UNC13C: variants seen among roughly 807,000 people sequenced by gnomAD.
The protein encoded by UNC13C is unc-13 homolog C.
A neutral mutation model predicts 245.4 loss-of-function variants in UNC13C; 174 were observed. That is an observed-to-expected ratio of 0.71 (90% CI 0.63 to 0.80). The LOEUF (loss-of-function observed/expected upper bound fraction) is 0.80, where lower values mean the gene tolerates loss of function less well. Ranked by LOEUF, UNC13C falls within the 30% of genes least tolerant of loss-of-function variation. UNC13C has a pLI of 0.00. For missense variants in UNC13C, 2,829 were observed against 2,602.9 expected (o/e 1.09, Z -1.89); for synonymous variants, 992 against 895.1 (o/e 1.11, Z -1.93).
chr15:54,358,487 C>T (rs925474741), intron 17 of UNC13C, among the ~76,000 whole-genome samples: 2 of 152,042 alleles, frequency 1.3e-5, no homozygotes, highest in African/African-American at 4.8e-5. Flanking sequence ...GCATCTTCTT[C>T]AATTGATTTC....
At chr15:53,960,155 G>T in the UNC13C span, among the ~76,000 whole-genome samples, 1 of 152,044 alleles carries the variant, frequency 6.6e-6, no homozygotes, top group Non-Finnish European at 1.5e-5. Context: ...AATCTGACTG[G>T]AATGAGATCT....
rs773255518 is a variant in UNC13C, at chr15:54,235,065, C to T, written c.3107C>T (p.Pro1036Leu). Residue 1036 changes from proline to leucine, a missense_variant, in exon 5 of 33, where the codon CCG (proline) becomes CTG (leucine). Pro to Leu is a moderately conservative substitution (Grantham distance 98). Coordinates refer to ENST00000260323, the MANE Select transcript of UNC13C (RefSeq NM_001080534.3). ...GGACTTTATGGTATTGACAGCATGCCGGATCTTCGCAGAAAAAAAACTTTG... is the reference window on the plus strand; with the variant it reads ...GGACTTTATGGTATTGACAGCATGCTGGATCTTCGCAGAAAAAAAACTTTG... ...GGGLYGIDSM[P>L]DLRRKKTLPI... 8 of 1,613,690 alleles carry T rather than the reference C, an allele frequency of 5.0e-6. No individual in the cohort carries two copies. Among genetic ancestry groups the T allele is most frequent in the East Asian group, 2.2e-5 (1 of 44,868 alleles).
chr15:54,531,971 T>G (rs1895762710), intron 25 of UNC13C, among the ~76,000 whole-genome samples: 1 of 152,214 alleles, frequency 6.6e-6, no homozygotes, highest in Non-Finnish European at 1.5e-5. Flanking sequence ...AACACAATGC[T>G]TTTAAGCATA....
chr15:54,321,886 T>TA, intron 13 of UNC13C, 53 bp from the exon 14 acceptor site: 2 of 1,500,164 alleles, frequency 1.3e-6, no homozygotes, highest in Non-Finnish European at 1.8e-6. Flanking sequence ...TCTGTTGTTG[T>TA]ATGAATTAAT....
chr15:54,346,730 C>T (rs2038867641), intron 17 of UNC13C, among the ~76,000 whole-genome samples: 3 of 152,268 alleles, frequency 2.0e-5, no homozygotes, highest in South Asian at 2.1e-4. Flanking sequence ...TGCCAGGCTC[C>T]GCATCTGCAC....
chr15:54,152,845 A>C (rs2032580521), intron 4 of UNC13C, among the ~76,000 whole-genome samples: 2 of 152,110 alleles, frequency 1.3e-5, no homozygotes, highest in Non-Finnish European at 2.9e-5. Context: ...ATATATATAA[A>C]AGTCTTAGAG....
intron 19 of UNC13C, among the ~76,000 whole-genome samples, chr15:54,481,943 A>G (rs1893143785): frequency 6.6e-6 from 1 of 152,078 alleles, no homozygotes; most frequent in African/African-American, 2.4e-5. Context: ...GCCCATAACC[A>G]AGGCCCTTGA....
chr15:54,035,966 T>G (rs752934269), intron 2 of UNC13C, among the ~76,000 whole-genome samples: 19 of 152,114 alleles, frequency 1.2e-4, no homozygotes, highest in Non-Finnish European at 2.2e-4. Context: ...GTAGTAATAC[T>G]TCAGGGATTT....
At position 54,424,865 on chromosome 15, in the gene UNC13C, T is replaced by C. The variant is rs60666307; in HGVS notation, c.4933+9798T>C. The stretch of plus-strand genomic sequence containing the variant: ...AAACAAAAATGTTTCGTGGGTAAAT[T>C]AGTGTATTGTGCTGTGCTCTGCTCT... On this transcript the variant is annotated intron_variant, in intron 19 of 32. Transcript: ENST00000260323. 1.3e-4 allele frequency among the ~76,000 whole-genome samples: 19 copies of C among 151,856 alleles called. No homozygotes were observed. In the East Asian group the frequency reaches 3.5e-3, roughly 28 times the overall value.
chr15:53,982,615 G>C (rs1893970951), intron 1 of UNC13C, among the ~76,000 whole-genome samples: 1 of 152,260 alleles, frequency 6.6e-6, no homozygotes, highest in East Asian at 1.9e-4. Context: ...GAAATCTTAA[G>C]TAAAAATTAC....
chr15:53,916,174 T>C, the UNC13C span, among the ~76,000 whole-genome samples: 2 of 152,174 alleles, frequency 1.3e-5, no homozygotes, highest in African/African-American at 2.4e-5. Flanking sequence ...GATCCCACAA[T>C]TGCCTGTAGT....
intron 1 of UNC13C, among the ~76,000 whole-genome samples, chr15:53,980,644 G>C (rs1374875537): frequency 6.6e-6 from 1 of 152,170 alleles, no homozygotes; most frequent in Non-Finnish European, 1.5e-5. Context: ...AAGGTGGATA[G>C]TAGGTAAGGG....
At chr15:53,993,860 G>A (rs1274548556) in intron 1 of UNC13C, among the ~76,000 whole-genome samples, 1 of 152,002 alleles carries the variant, frequency 6.6e-6, no homozygotes. Context: ...GGCTATGTAA[G>A]GGGAATGGAC....
At chr15:53,960,663 C>T in the UNC13C span, among the ~76,000 whole-genome samples, 1 of 152,138 alleles carries the variant, frequency 6.6e-6, no homozygotes. Context: ...AACCTAGATC[C>T]CAAAGTAGAG....
intron 2 of UNC13C, among the ~76,000 whole-genome samples, chr15:54,058,906 C>T (rs1897667284): frequency 6.6e-6 from 1 of 152,170 alleles, no homozygotes; most frequent in African/African-American, 2.4e-5. Flanking sequence ...TGACAAAATT[C>T]AACAACGCTT....
At chr15:54,131,490 A>G (rs1431890874) in intron 2 of UNC13C, among the ~76,000 whole-genome samples, 2 of 152,206 alleles carry the variant, frequency 1.3e-5, no homozygotes, top group Admixed American at 6.5e-5. Flanking sequence ...AATAATGAGT[A>G]AGTTTTAAGT....
chr15:54,541,518 T>C (rs1896243348), intron 26 of UNC13C, among the ~76,000 whole-genome samples: 1 of 152,068 alleles, frequency 6.6e-6, no homozygotes, highest in African/African-American at 2.4e-5. Flanking sequence ...TAGGCAGCAC[T>C]GTGTCTTCAA....
intron 13 of UNC13C, among the ~76,000 whole-genome samples, chr15:54,305,299 T>C (rs913871654): frequency 2.0e-4 from 31 of 152,088 alleles, no homozygotes; most frequent in Non-Finnish European, 3.5e-4. Context: ...TATGTCACCA[T>C]TTATGCTGTA....
rs752573977 is a variant in UNC13C, at chr15:54,014,174, C to G, written c.1271C>G (p.Ser424Cys). 27 of 1,613,718 alleles carry G rather than the reference C, an allele frequency of 1.7e-5. No individual in the cohort carries two copies. The African/African-American group carries it at 1.7e-4, about 10-fold the overall frequency. ...AGAAAAGAGAAAGGGATACCATCCT[C>G]CCAGACATATGAGAGCATGGCTATA... The part of the protein sequence containing the change: ...RERKEKGIPS[S>C]QTYESMAIKL... Residue 424 changes from serine to cysteine, a missense_variant, in exon 2 of 33, where the codon TCC becomes TGC. Transcript: ENST00000260323.
Sources: gnomAD v4.1 joint callset for allele counts (sites outside exome capture counted in the v4.1 genomes callset) on GRCh38, gnomAD v4.1.1 for gene constraint, MANE v1.5 for transcripts, NCBI Gene and HGNC (gene_info 2026-07-23, HGNC 2026-07-21) for gene names.